THRB: variants seen among roughly 807,000 people sequenced by gnomAD.
THRB encodes the protein nuclear receptor subfamily 1 group A member 2.
A neutral mutation model predicts 47.8 loss-of-function variants in THRB; 12 were observed. That is an observed-to-expected ratio of 0.25 (90% confidence interval 0.16 to 0.41). THRB has a LOEUF of 0.41. Ranked by LOEUF, THRB falls within the 10% of genes least tolerant of loss-of-function variation. The probability of loss-of-function intolerance (pLI) is 1.00; values close to 1 mark genes in which losing one functional copy is unlikely to be tolerated. For synonymous variants in THRB, 218 were observed against 212.2 expected (o/e 1.03, Z -0.24); for missense variants, 348 against 589.2 (o/e 0.59, Z 4.24).
chr3:24,240,048 G>A (rs2049326973), intron 3 of THRB, among the ~76,000 whole-genome samples: 1 of 152,188 alleles, frequency 6.6e-6, no homozygotes, highest in African/African-American at 2.4e-5. Flanking sequence ...TGGGGTTGCT[G>A]TGGTACCCAA....
At chr3:24,451,820 T>C (rs2072687371) in intron 1 of THRB, among the ~76,000 whole-genome samples, 1 of 152,178 alleles carries the variant, frequency 6.6e-6, no homozygotes, top group Admixed American at 6.5e-5. Flanking sequence ...GAGCATTGGG[T>C]TATTTTACTT....
chr3:24,340,299 TA>T (rs1448862889), intron 1 of THRB, among the ~76,000 whole-genome samples: 1 of 152,124 alleles, frequency 6.6e-6, no homozygotes, highest in Admixed American at 6.5e-5. Context: ...GGGTTAATAT[TA>T]GAGCAAAATT....
At chr3:24,466,514 A>G (rs918365200) in intron 1 of THRB, among the ~76,000 whole-genome samples, 3 of 152,160 alleles carry the variant, frequency 2.0e-5, no homozygotes, top group Non-Finnish European at 2.9e-5. Context: ...CTCCGTGTTC[A>G]GTATGCACAC....
chr3:24,321,461 A>C (rs1349405677), intron 2 of THRB, among the ~76,000 whole-genome samples: 2 of 152,160 alleles, frequency 1.3e-5, no homozygotes, highest in African/African-American at 2.4e-5. Context: ...AATAACATAG[A>C]TTCCTTTTAA....
intron 1 of THRB, among the ~76,000 whole-genome samples, chr3:24,425,787 C>T (rs2069699630): frequency 1.3e-5 from 2 of 151,898 alleles, no homozygotes; most frequent in Admixed American, 6.6e-5. Context: ...CTACAGGCTA[C>T]CAGTTGGACA....
intron 3 of THRB, among the ~76,000 whole-genome samples, chr3:24,281,410 C>G (rs554853706): frequency 6.6e-6 from 1 of 151,862 alleles, no homozygotes; most frequent in East Asian, 1.9e-4. Context: ...CACCACCAGG[C>G]CTGCCCTAGA....
rs928363756 is a variant in THRB, at chr3:24,336,117, T to A, written c.-189+1183A>T. Among the ~76,000 whole-genome samples the A allele has an allele frequency of 2.0e-5, 3 of 152,240 alleles. No homozygotes were observed. In the South Asian group the frequency reaches 6.2e-4, roughly 32 times the overall value. On this transcript the variant is annotated intron_variant, in intron 2 of 10. Coordinates refer to ENST00000646209, the MANE Select transcript of THRB (RefSeq NM_001354712.2). ...TTGAAGATTCTTAGTGATCTCTTTTTCTTGAACATTCTATAAATTACAAAT... is the reference window on the plus strand; with the variant it reads ...TTGAAGATTCTTAGTGATCTCTTTTACTTGAACATTCTATAAATTACAAAT...
At chr3:24,188,973 C>T (rs1312240954) in intron 5 of THRB, among the ~76,000 whole-genome samples, 1 of 150,378 alleles carries the variant, frequency 6.6e-6, no homozygotes, top group African/African-American at 2.5e-5. Flanking sequence ...CACTATTTCA[C>T]TATTACTTTT....
chr3:24,238,941 G>A lies in THRB; in HGVS notation c.-42-9940C>T, dbSNP rs114432445. ...CTTTGTCTCCATTCTCACGCATTAG[G>A]TTCTTTTTTTTTTTTTTTGAGACAG... On this transcript the variant is annotated intron_variant, in intron 3 of 10. Transcript: ENST00000646209. Among the ~76,000 whole-genome samples, 287 of 149,440 alleles carry A rather than the reference G, an allele frequency of 1.9e-3. 3 individuals are homozygous for A. Among genetic ancestry groups the A allele is most frequent in the African/African-American group, 6.8e-3 (279 of 41,080 alleles).
At chr3:24,157,395 G>A (rs915352470) in intron 5 of THRB, among the ~76,000 whole-genome samples, 1 of 152,132 alleles carries the variant, frequency 6.6e-6, no homozygotes, top group East Asian at 1.9e-4. Flanking sequence ...AAAAGGGGAT[G>A]AGGATATGAG....
At chr3:24,341,393 G>C (rs999832533) in intron 1 of THRB, among the ~76,000 whole-genome samples, 1 of 151,810 alleles carries the variant, frequency 6.6e-6, no homozygotes, top group Non-Finnish European at 1.5e-5. Context: ...ACCACACTCA[G>C]CTAATTTTTA....
chr3:24,240,334 T>C (rs2049357000), intron 3 of THRB, among the ~76,000 whole-genome samples: 1 of 152,174 alleles, frequency 6.6e-6, no homozygotes, highest in South Asian at 2.1e-4. Context: ...TTGGTTATTA[T>C]TCAGTAGTTT....
chr3:24,244,951 G>T (rs1453959583), intron 3 of THRB, among the ~76,000 whole-genome samples: 1 of 152,166 alleles, frequency 6.6e-6, no homozygotes, highest in Non-Finnish European at 1.5e-5. Flanking sequence ...CTGCTCTTCT[G>T]CCTGTTTCTC....
chr3:24,374,214 T>C (rs1444737981), intron 1 of THRB, among the ~76,000 whole-genome samples: 2 of 151,656 alleles, frequency 1.3e-5, no homozygotes, highest in Admixed American at 1.3e-4. Flanking sequence ...GTTTGTACTA[T>C]GCTATATTAA....
chr3:24,438,738 G>A (rs1284075548), intron 1 of THRB, among the ~76,000 whole-genome samples: 1 of 152,098 alleles, frequency 6.6e-6, no homozygotes, highest in East Asian at 1.9e-4. Flanking sequence ...GTGGTATCTT[G>A]GCCCTCTACC....
At chr3:24,390,303 G>A (rs922182018) in intron 1 of THRB, among the ~76,000 whole-genome samples, 8 of 152,104 alleles carry the variant, frequency 5.3e-5, no homozygotes, top group African/African-American at 9.7e-5. Context: ...TATATTCACC[G>A]GAGCATAAGT....
chr3:24,227,451 G>T (rs762378342), intron 4 of THRB, among the ~76,000 whole-genome samples: 1 of 152,194 alleles, frequency 6.6e-6, no homozygotes, highest in Non-Finnish European at 1.5e-5. Flanking sequence ...ATAGATGTGG[G>T]AGTGGGTGCG....
At chr3:24,210,398 GTTTA>G (rs1333366355) in intron 4 of THRB, among the ~76,000 whole-genome samples, 7 of 151,312 alleles carry the variant, frequency 4.6e-5, no homozygotes, top group African/African-American at 1.2e-4. Context: ...ACCCAGGTTG[GTTTA>G]TTTGTTTGTT....
intron 8 of THRB, among the ~76,000 whole-genome samples, chr3:24,138,475 C>T (rs965041393): frequency 6.6e-6 from 1 of 152,120 alleles, no homozygotes; most frequent in East Asian, 1.9e-4. Flanking sequence ...GCAGTGTTAA[C>T]CCACTTGTAT....
Sources: gnomAD v4.1 joint callset for allele counts (sites outside exome capture counted in the v4.1 genomes callset) on GRCh38, gnomAD v4.1.1 for gene constraint, MANE v1.5 for transcripts, NCBI Gene and HGNC (gene_info 2026-07-23, HGNC 2026-07-21) for gene names.